ENKUR: variants seen among roughly 807,000 people sequenced by gnomAD.
ENKUR encodes the protein enkurin, TRPC channel interacting protein, also known as enkurin.
A neutral mutation model predicts 27.6 loss-of-function variants in ENKUR; 19 were observed. That is an observed-to-expected ratio of 0.69 (90% CI 0.48 to 1.01). The LOEUF (loss-of-function observed/expected upper bound fraction) is 1.01. ENKUR is among the 50% of genes least tolerant of loss of function. ENKUR has a pLI of 0.00. For synonymous variants in ENKUR, 117 were observed against 96.9 expected (o/e 1.21, Z -1.22); for missense variants, 312 against 310.5 (o/e 1.00, Z -0.04).
chr10:25,047,641 C>T (rs534949455), intron 2 of ENKUR, among the ~76,000 whole-genome samples: 4 of 152,290 alleles, frequency 2.6e-5, no homozygotes, highest in African/African-American at 7.2e-5. Context: ...CTTGCCTGTT[C>T]TAGAACATTC....
In ENKUR at chr10:24,990,732, G is replaced by T; in HGVS notation, c.448-123C>A. The T allele has an allele frequency of 6.2e-6, 6 of 964,358 alleles. No individual in the cohort carries two copies. The East Asian group carries it at 1.6e-4, about 26-fold the overall frequency. 59.7% of individuals were successfully genotyped at this position (964,358 alleles called of 1,614,324 possible). A position where few individuals can be genotyped will look rare whatever the true frequency, so the allele number is the denominator to read the frequency against. ...GACTAAATCCTTTGTTCAAAACCCT[G>T]TAAATTGACAAAATTCAGTGACTTT... On this transcript the variant is annotated intron_variant, in intron 3 of 5. Transcript: ENST00000331161.
At chr10:25,055,083 A>T (rs1444480492) in intron 2 of ENKUR, among the ~76,000 whole-genome samples, 1 of 152,192 alleles carries the variant, frequency 6.6e-6, no homozygotes, top group East Asian at 1.9e-4. Flanking sequence ...CTCACATCTA[A>T]ATCTTTTAAT....
intron 2 of ENKUR, among the ~76,000 whole-genome samples, chr10:25,040,062 A>G (rs1851046153): frequency 6.6e-6 from 1 of 151,626 alleles, no homozygotes; most frequent in African/African-American, 2.4e-5. Context: ...TCCCATCCTC[A>G]GGGGCCTCTC....
intron 2 of ENKUR, among the ~76,000 whole-genome samples, chr10:25,052,582 C>T (rs1851198404): frequency 6.6e-6 from 1 of 151,930 alleles, no homozygotes; most frequent in South Asian, 2.1e-4. Flanking sequence ...GCCTGGGAAA[C>T]ACAGTGAGAC....
intron 2 of ENKUR, chr10:25,023,456 A>T: frequency 1.9e-6 from 3 of 1,614,142 alleles, no homozygotes; most frequent in Non-Finnish European, 2.5e-6. Flanking sequence ...ATAGGTCAGA[A>T]ACTAGGTTGT....
chr10:24,996,454 G>A (rs1333680033), intron 2 of ENKUR, among the ~76,000 whole-genome samples: 1 of 149,394 alleles, frequency 6.7e-6, no homozygotes, highest in African/African-American at 2.6e-5. Context: ...GTGTGTGTGT[G>A]TGTATATATA....
At chr10:24,991,900 T>C (rs748076541) in intron 3 of ENKUR, among the ~76,000 whole-genome samples, 3 of 152,156 alleles carry the variant, frequency 2.0e-5, no homozygotes, top group Non-Finnish European at 2.9e-5. Flanking sequence ...CATCGACCCA[T>C]AGACCCTGCT....
intron 1 of ENKUR, among the ~76,000 whole-genome samples, chr10:25,014,749 T>TTC (rs1470455808): frequency 6.6e-6 from 1 of 152,212 alleles, no homozygotes; most frequent in Non-Finnish European, 1.5e-5. Context: ...TTACTTTACA[T>TTC]TCCTCTTTCC....
chr10:25,040,448 G>A (rs1851050889), intron 2 of ENKUR, among the ~76,000 whole-genome samples: 1 of 147,218 alleles, frequency 6.8e-6, no homozygotes, highest in South Asian at 2.1e-4. Flanking sequence ...TTGGCTTACT[G>A]CAAGCTCCGC....
At chr10:24,991,215 C>CCTTCTTCAGTAG (rs1849921360) in intron 3 of ENKUR, among the ~76,000 whole-genome samples, 1 of 151,934 alleles carries the variant, frequency 6.6e-6, no homozygotes, top group African/African-American at 2.4e-5. Flanking sequence ...CTACCTTCTA[C>CCTTCTTCAGTAG]GTTCTTCAGT....
intron 2 of ENKUR, among the ~76,000 whole-genome samples, chr10:25,031,024 A>G (rs917510530): frequency 6.6e-6 from 1 of 152,218 alleles, no homozygotes; most frequent in Non-Finnish European, 1.5e-5. Flanking sequence ...AGGCTGAGGC[A>G]AGAGAATTGC....
intron 2 of ENKUR, among the ~76,000 whole-genome samples, chr10:25,027,920 A>G (rs973894228): frequency 6.6e-6 from 1 of 152,174 alleles, no homozygotes; most frequent in African/African-American, 2.4e-5. Flanking sequence ...CAACGCAAAA[A>G]TTCAGTCGTA....
upstream of ENKUR, among the ~76,000 whole-genome samples, chr10:25,018,222 C>G (rs1850647918): frequency 1.3e-5 from 2 of 152,112 alleles, no homozygotes; most frequent in South Asian, 2.1e-4. Context: ...TTTCTTTTTT[C>G]TTAGACATTT....
chr10:25,017,017 C>T (rs955539387), upstream of ENKUR, among the ~76,000 whole-genome samples: 10 of 152,166 alleles, frequency 6.6e-5, no homozygotes, highest in Non-Finnish European at 5.9e-5. Context: ...CTGCTGCGCT[C>T]GCCCTCCCGC....
chr10:24,986,710 G>A (rs1250992572), intron 4 of ENKUR, among the ~76,000 whole-genome samples: 1 of 152,162 alleles, frequency 6.6e-6, no homozygotes, highest in Non-Finnish European at 1.5e-5. Flanking sequence ...ATCTTCCAGT[G>A]TGTACAATAA....
chr10:25,045,215 C>G (rs1053843131), intron 2 of ENKUR, among the ~76,000 whole-genome samples: 12 of 152,006 alleles, frequency 7.9e-5, no homozygotes, highest in African/African-American at 2.4e-4. Flanking sequence ...GTGGGTTAGT[C>G]TGATAAAAGT....
At chr10:25,019,996 A>AATGAGGAT (rs1181204402), upstream of ENKUR, among the ~76,000 whole-genome samples, 1 of 152,166 alleles carries the variant, frequency 6.6e-6, no homozygotes, top group East Asian at 1.9e-4. Context: ...TCAAAAAAGA[A>AATGAGGAT]ATGAGGATGT....
chr10:25,015,817 C>T (rs778063524), intron 1 of ENKUR, 43 bp downstream of exon 1: 8 of 1,541,420 alleles, frequency 5.2e-6, no homozygotes, highest in African/African-American at 1.4e-5. Context: ...ACTGAGTATT[C>T]CCCATTCTTG....
At chr10:25,055,545 C>CAAA (rs142864120) in intron 2 of ENKUR, among the ~76,000 whole-genome samples, 7 of 94,318 alleles carry the variant, frequency 7.4e-5, no homozygotes, top group Admixed American at 1.1e-4. Context: ...AACAAATTGG[C>CAAA]AAAAAAAAAA....
Sources: allele counts gnomAD v4.1 joint callset (sites outside exome capture counted in the v4.1 genomes callset), GRCh38; gene constraint gnomAD v4.1.1; transcripts MANE v1.5; gene names NCBI Gene and HGNC (gene_info 2026-07-23, HGNC 2026-07-21).